FMNL2: variants seen among roughly 807,000 people sequenced by gnomAD.
FMNL2 encodes formin like 2.
In FMNL2, 51 loss-of-function variants were observed where a neutral mutation model predicts 130.2. That is an observed-to-expected ratio of 0.39 (90% CI 0.31 to 0.49). FMNL2 has a LOEUF of 0.49. Among genes scored for constraint, FMNL2 ranks in the 20% least tolerant of loss-of-function variants. The pLI, the probability that FMNL2 is intolerant of heterozygous loss-of-function variation, is 0.85. For missense variants in FMNL2, 977 were observed against 1,316.2 expected (o/e 0.74, Z 3.99); for synonymous variants, 465 against 467.1 (o/e 1.00, Z 0.06).
At chr2:152,338,327 A>T (rs1560277424) in intron 1 of FMNL2, among the ~76,000 whole-genome samples, 2 of 152,204 alleles carry the variant, frequency 1.3e-5, no homozygotes, top group Admixed American at 6.5e-5. Context: ...TCAATAATTA[A>T]CAGACTGTTT....
At chr2:152,341,995 G>C (rs931537858) in intron 1 of FMNL2, among the ~76,000 whole-genome samples, 2 of 152,210 alleles carry the variant, frequency 1.3e-5, no homozygotes, top group African/African-American at 4.8e-5. Flanking sequence ...AGGTGAGTCT[G>C]CAACTTGCAG....
chr2:152,532,018 C>T (rs114130342), intron 2 of FMNL2, among the ~76,000 whole-genome samples: 1,643 of 152,124 alleles, frequency 0.011, 34 homozygotes, highest in African/African-American at 0.038. Context: ...CATTTTTAGC[C>T]TGACTAAAAA....
intron 6 of FMNL2, among the ~76,000 whole-genome samples, chr2:152,574,738 A>G (rs1449454500): frequency 2.6e-5 from 4 of 152,244 alleles, no homozygotes; most frequent in Non-Finnish European, 5.9e-5. Context: ...TCTTTCTAGT[A>G]AACAGTCATG....
chr2:152,478,886 A>G (rs1182127362), intron 1 of FMNL2, among the ~76,000 whole-genome samples: 1 of 152,208 alleles, frequency 6.6e-6, no homozygotes, highest in African/African-American at 2.4e-5. Context: ...TGAATTTCAA[A>G]TAAGTATATT....
intron 9 of FMNL2, among the ~76,000 whole-genome samples, chr2:152,603,053 CT>C (rs1166171006): frequency 6.6e-6 from 1 of 152,190 alleles, no homozygotes; most frequent in African/African-American, 2.4e-5. Context: ...GTAGTGTACA[CT>C]TGTTTAATGA....
chr2:152,608,246 G>A (rs565226345), intron 10 of FMNL2, among the ~76,000 whole-genome samples: 28 of 151,092 alleles, frequency 1.9e-4, no homozygotes, highest in Admixed American at 7.3e-4. Flanking sequence ...ACGTACCAAT[G>A]ACTCCTTACC....
chr2:152,637,766 G>C (rs1305006632), intron 23 of FMNL2, 92 bp downstream of exon 23: 1 of 1,125,618 alleles, frequency 8.9e-7, no homozygotes, highest in Non-Finnish European at 1.3e-6. Flanking sequence ...AGGCCTCCCA[G>C]TTCCTGTGGA....
At chr2:152,452,730 G>A (rs1688710357) in intron 1 of FMNL2, among the ~76,000 whole-genome samples, 1 of 144,580 alleles carries the variant, frequency 6.9e-6, no homozygotes, top group African/African-American at 2.5e-5. Context: ...GATGCCATGG[G>A]CCAAGGGATT....
At chr2:152,636,380 GT>G (rs1371839064) in intron 21 of FMNL2, 46 bp from the exon 22 acceptor site, 2 of 1,569,932 alleles carry the variant, frequency 1.3e-6, no homozygotes, top group African/African-American at 2.7e-5. Flanking sequence ...CGCTGTGGTT[GT>G]GACTTCCCCA....
chr2:152,460,642 A>G (rs1689186063), intron 1 of FMNL2, among the ~76,000 whole-genome samples: 1 of 152,210 alleles, frequency 6.6e-6, no homozygotes, highest in South Asian at 2.1e-4. Context: ...TTGTGTTTAC[A>G]GTGCTCCCCA....
At chr2:152,416,029 T>A (rs1392014785) in intron 1 of FMNL2, among the ~76,000 whole-genome samples, 1 of 152,086 alleles carries the variant, frequency 6.6e-6, no homozygotes, top group Non-Finnish European at 1.5e-5. Flanking sequence ...TTGGCCTCAC[T>A]GAGTTTTGGA....
At chr2:152,464,601 C>G (rs958719484) in intron 1 of FMNL2, among the ~76,000 whole-genome samples, 1 of 152,180 alleles carries the variant, frequency 6.6e-6, no homozygotes, top group African/African-American at 2.4e-5. Context: ...ATTTCACTGT[C>G]CTTGCCCCAG....
rs1186698957 is a variant in FMNL2, at chr2:152,351,851, C to T, written c.117+16131C>T. On this transcript the variant is annotated intron_variant, in intron 1 of 25. Transcript: ENST00000288670. ...AAGCATTCCTATTTCTCCACAGCCT[C>T]ACCAGCACCTGTTGTTTCCTGACTT... 1.3e-5 allele frequency among the ~76,000 whole-genome samples: 2 copies of T among 152,198 alleles called. 1 individual carries two copies. The highest frequency in any genetic ancestry group is 2.9e-5 in the Non-Finnish European group (2 of 68,046).
At chr2:152,507,876 C>T (rs545759715) in intron 1 of FMNL2, among the ~76,000 whole-genome samples, 1 of 151,704 alleles carries the variant, frequency 6.6e-6, no homozygotes, top group African/African-American at 2.4e-5. Flanking sequence ...AATTTGAACC[C>T]AGGTATGAGT....
intron 3 of FMNL2, among the ~76,000 whole-genome samples, chr2:152,545,412 C>T (rs1694568131): frequency 6.6e-6 from 1 of 151,810 alleles, no homozygotes; most frequent in South Asian, 2.1e-4. Flanking sequence ...ACTTAATTTG[C>T]TTTTTTTAAA....
At chr2:152,595,303 ATGAT>A (rs1697701860) in intron 9 of FMNL2, among the ~76,000 whole-genome samples, 1 of 152,122 alleles carries the variant, frequency 6.6e-6, no homozygotes. Flanking sequence ...GTATTTGTTC[ATGAT>A]TGATTGATTG....
Position 152,614,929 on chromosome 2 carries a change from C to T in FMNL2, c.1141C>T (p.Leu381=). 6.2e-7 allele frequency: 1 copy of T among 1,613,750 alleles called. No individual in the cohort carries two copies. The highest frequency in any genetic ancestry group is 8.5e-7 in the Non-Finnish European group (1 of 1,179,846). The part of the protein sequence containing the change: ...YLDNVFDVGA[L]LEDAETKNAA... ...GGACAATGTTTTTGATGTAGGAGCT[C>T]TACTGGAAGATGCTGAAACTAAGAA... The change falls in exon 12 of 26, where the codon CTA becomes TTA. Residue 381 remains leucine (L), a synonymous_variant. Coordinates refer to ENST00000288670, the MANE Select transcript of FMNL2 (RefSeq NM_052905.4).
At chr2:152,498,007 G>T (rs192814120) in intron 1 of FMNL2, among the ~76,000 whole-genome samples, 174 of 152,206 alleles carry the variant, frequency 1.1e-3, no homozygotes, top group South Asian at 2.1e-3. Context: ...CTGCTGCTTT[G>T]GATTTTTCTA....
intron 23 of FMNL2, among the ~76,000 whole-genome samples, chr2:152,639,068 A>G (rs1020032824): frequency 6.6e-6 from 1 of 151,860 alleles, no homozygotes; most frequent in Non-Finnish European, 1.5e-5. Context: ...GATTTTTCAC[A>G]GCTGATTCAG....
Sources: allele counts gnomAD v4.1 joint callset (sites outside exome capture counted in the v4.1 genomes callset), GRCh38; gene constraint gnomAD v4.1.1; transcripts MANE v1.5; gene names NCBI Gene and HGNC (gene_info 2026-07-23, HGNC 2026-07-21).